The following COLEC11 variants were observed in gnomAD, a reference collection of about 807,000 sequenced individuals.
The protein encoded by COLEC11 is collectin subfamily member 11.
A neutral mutation model predicts 27.3 loss-of-function variants in COLEC11; 20 were observed. The ratio of observed to expected loss-of-function variants is 0.73; its 90% CI spans 0.51 to 1.06. The LOEUF (loss-of-function observed/expected upper bound fraction) is 1.06. Among genes scored for constraint, COLEC11 ranks in the 50% least tolerant of loss-of-function variants. The pLI is 0.00. For synonymous variants in COLEC11, 163 were observed against 154.7 expected (o/e 1.05, Z -0.40); for missense variants, 310 against 383.0 (o/e 0.81, Z 1.59).
intron 1 of COLEC11, 112 bp from the exon 2 acceptor site, chr2:3,604,203 A>G (rs1342843957): frequency 1.7e-6 from 2 of 1,172,088 alleles, no homozygotes; most frequent in Admixed American, 1.8e-5. Context: ...GGGCCCAGAC[A>G]GCCCTTCCAG....
At chr2:3,610,075 G>A (rs1663069372) in intron 2 of COLEC11, among the ~76,000 whole-genome samples, 2 of 152,246 alleles carry the variant, frequency 1.3e-5, no homozygotes, top group Admixed American at 1.3e-4. Flanking sequence ...GAGGAGAGGA[G>A]ACGAGGGTGA....
At chr2:3,611,271 A>T (rs1459712230) in intron 2 of COLEC11, among the ~76,000 whole-genome samples, 3 of 152,206 alleles carry the variant, frequency 2.0e-5, no homozygotes, top group Non-Finnish European at 2.9e-5. Flanking sequence ...CGCTGGCTCC[A>T]CGAGGCCTCT....
rs1415692065 is a variant in COLEC11 at position 3,643,905 on chromosome 2, C to G, written c.603C>G (p.Val201=). The G allele has an allele frequency of 6.2e-7, 1 of 1,614,080 alleles. No individual in the cohort carries two copies. The highest frequency in any genetic ancestry group is 8.5e-7 in the Non-Finnish European group (1 of 1,180,052). The part of the protein sequence containing the change: ...AYLAQAGLAR[V]FIGINDLEKE... Reference sequence around the variant, plus strand: ...TGGCGCAAGCCGGCCTGGCCCGTGTCTTCATCGGCATCAACGACCTGGAGA... The same window carrying G: ...TGGCGCAAGCCGGCCTGGCCCGTGTGTTCATCGGCATCAACGACCTGGAGA... The change falls in exon 7 of 7, where the codon GTC becomes GTG. Residue 201 remains valine (V), a synonymous_variant. Transcript: ENST00000349077.
chr2:3,601,467 G>A (rs1393758508), intron 1 of COLEC11, among the ~76,000 whole-genome samples: 3 of 152,034 alleles, frequency 2.0e-5, no homozygotes, highest in East Asian at 3.9e-4. Flanking sequence ...ACACCTGGCT[G>A]CTTTTTTGTA....
At chr2:3,617,617 C>T in intron 3 of COLEC11, 1 of 1,612,198 alleles carries the variant, frequency 6.2e-7, no homozygotes, top group Non-Finnish European at 8.5e-7. Context: ...TCTCTTGAGT[C>T]TCTGTCTTCT....
intron 4 of COLEC11, among the ~76,000 whole-genome samples, chr2:3,639,101 T>A (rs994768963): frequency 6.6e-6 from 1 of 152,230 alleles, no homozygotes; most frequent in African/African-American, 2.4e-5. Context: ...TGGTGTAGTG[T>A]TTTCAGGGTT....
Position 3,603,677 on chromosome 2 carries a change from C to A in COLEC11, c.-26-638C>A, listed in dbSNP as rs1202418213. The A allele has an allele frequency of 5.8e-6, 9 of 1,550,974 alleles. No individual in the cohort carries two copies. In the Admixed American group the frequency reaches 1.6e-4, roughly 27 times the overall value. On this transcript the variant is annotated intron_variant, in intron 1 of 6. Transcript: ENST00000349077. ...AAACAAAGAGGTCAGCACGTACCCG[C>A]CCCTCCTGGGATGGTCAGATGTCCA...
chr2:3,613,950 T>A (rs1663444531), intron 3 of COLEC11, among the ~76,000 whole-genome samples: 1 of 151,248 alleles, frequency 6.6e-6, no homozygotes, highest in Non-Finnish European at 1.5e-5. Flanking sequence ...AAAATTTTTT[T>A]AAGTGTTTTT....
intron 6 of COLEC11, 86 bp downstream of exon 6, chr2:3,643,625 G>T (rs896339773): frequency 1.3e-6 from 2 of 1,592,410 alleles, no homozygotes; most frequent in African/African-American, 2.7e-5. Context: ...CCGTGCCCAC[G>T]CCTGCCCTGC....
At chr2:3,609,427 T>C (rs189978616) in intron 2 of COLEC11, among the ~76,000 whole-genome samples, 2 of 145,452 alleles carry the variant, frequency 1.4e-5, no homozygotes, top group East Asian at 4.2e-4. Context: ...TGGAGTGCAG[T>C]GGTGCACTTA....
intron 2 of COLEC11, among the ~76,000 whole-genome samples, chr2:3,610,808 T>A (rs1663131298): frequency 6.6e-6 from 1 of 152,202 alleles, no homozygotes; most frequent in African/African-American, 2.4e-5. Flanking sequence ...CCGTCTAAAT[T>A]ATGGCTCCTT....
rs1408528089 is a variant in COLEC11 at position 3,634,233 on chromosome 2, A to G, written c.203-3300A>G. ...CCGAGGAACCAAGACACTCCAGGGT[A>G]CGTCCTGGGGAAAGGCAGCCAGGAT... is the stretch of plus-strand genomic sequence containing the variant. On this transcript the variant is annotated intron_variant, in intron 3 of 6. Coordinates refer to ENST00000349077, the MANE Select transcript of COLEC11 (RefSeq NM_024027.5). Among the ~76,000 whole-genome samples, 3 of 152,238 alleles carry G rather than the reference A, an allele frequency of 2.0e-5. No homozygotes were observed. The East Asian group carries it at 5.8e-4, about 29-fold the overall frequency.
At chr2:3,631,473 C>T (rs1664995535) in intron 3 of COLEC11, among the ~76,000 whole-genome samples, 1 of 152,264 alleles carries the variant, frequency 6.6e-6, no homozygotes, top group Admixed American at 6.5e-5. Context: ...CACCCCCAGG[C>T]CCAGCTGTGC....
chr2:3,634,031 C>T (rs1193295267), intron 3 of COLEC11, among the ~76,000 whole-genome samples: 3 of 152,222 alleles, frequency 2.0e-5, no homozygotes, highest in African/African-American at 7.2e-5. Context: ...GACACCTGCC[C>T]TCACAAACTC....
intron 2 of COLEC11, chr2:3,605,796 T>A (rs1224261656): frequency 3.2e-6 from 1 of 309,526 alleles, no homozygotes; most frequent in Non-Finnish European, 6.1e-6. Context: ...GCCCGTGTTG[T>A]ACAAAATGAA....
At chr2:3,609,405 T>C (rs1177785030) in intron 2 of COLEC11, among the ~76,000 whole-genome samples, 2 of 134,762 alleles carry the variant, frequency 1.5e-5, no homozygotes, top group Non-Finnish European at 3.1e-5. Context: ...GATCTTGCTC[T>C]GTCACTCAGG....
chr2:3,619,873 G>C (rs750989709), intron 3 of COLEC11, among the ~76,000 whole-genome samples: 6 of 152,210 alleles, frequency 3.9e-5, no homozygotes, highest in Non-Finnish European at 8.8e-5. Flanking sequence ...TGATCCACCT[G>C]CCTTGGCCTC....
chr2:3,615,882 G>A (rs1377583574), intron 3 of COLEC11, among the ~76,000 whole-genome samples: 11 of 147,190 alleles, frequency 7.5e-5, no homozygotes, highest in African/African-American at 2.5e-4. Flanking sequence ...CGGACGCGGC[G>A]GCTGGCCGGG....
intron 1 of COLEC11, among the ~76,000 whole-genome samples, chr2:3,600,556 G>A (rs574607060): frequency 1.9e-4 from 29 of 152,268 alleles, no homozygotes; most frequent in Non-Finnish European, 3.5e-4. Flanking sequence ...CAAGCAAAAC[G>A]TGACAGAATA....
Sources: allele counts gnomAD v4.1 joint callset (sites outside exome capture counted in the v4.1 genomes callset), GRCh38; gene constraint gnomAD v4.1.1; transcripts MANE v1.5; gene names NCBI Gene and HGNC (gene_info 2026-07-23, HGNC 2026-07-21).